The following ALLC variants were observed in gnomAD, a reference collection of about 807,000 sequenced individuals.
The protein encoded by ALLC is probable inactive allantoicase.
ALLC carries 40 observed loss-of-function variants against 45.0 expected under a neutral mutation model. The ratio of observed to expected loss-of-function variants is 0.89; its 90% CI spans 0.69 to 1.16. The LOEUF is 1.16. Ranked by LOEUF, ALLC falls within the 50% of genes most tolerant of loss-of-function variation. ALLC has a pLI of 0.00. For synonymous variants in ALLC, 176 were observed against 178.1 expected (o/e 0.99, Z 0.09); for missense variants, 488 against 493.1 (o/e 0.99, Z 0.10).
Position 3,696,256 on chromosome 2 carries a change from A to G in ALLC, c.668-19A>G, listed in dbSNP as rs760859208. 6.2e-5 allele frequency: 99 copies of G among 1,606,132 alleles called. 1 individual carries two copies. In the South Asian group the frequency reaches 1.0e-3, roughly 17 times the overall value. On this transcript the variant is annotated intron_variant, in intron 8 of 11. Transcript: ENST00000252505. ...TTAAAATCATGCAGTTTACCATTCA[A>G]CAATGTTATTTTCTGTAGGAGTTGG...
upstream of ALLC, among the ~76,000 whole-genome samples, chr2:3,654,668 G>A (rs1270079785): frequency 4.6e-5 from 7 of 152,348 alleles, no homozygotes; most frequent in East Asian, 3.9e-4. Flanking sequence ...CAGTCAGTGC[G>A]TGTGACTCTC....
intron 3 of ALLC, 54 bp downstream of exon 3, chr2:3,674,179 C>A (rs1666964297): frequency 3.1e-6 from 4 of 1,300,928 alleles, no homozygotes; most frequent in African/African-American, 1.5e-5. Context: ...GAAATCTATG[C>A]CGCCTTGTTA....
the ALLC span, among the ~76,000 whole-genome samples, chr2:3,646,860 A>G: frequency 3.3e-5 from 5 of 152,026 alleles, no homozygotes. Flanking sequence ...CAGTTCCAAC[A>G]ATGCCTGGAG....
intron 5 of ALLC, 32 bp from the exon 6 acceptor site, chr2:3,681,602 A>C (rs769278678): frequency 4.4e-5 from 68 of 1,537,462 alleles, no homozygotes; most frequent in Non-Finnish European, 5.7e-5. Context: ...TTGAACCCTA[A>C]TCTTAATCCT....
Position 3,681,722 on chromosome 2 carries a change from C to T in ALLC, c.378+9C>T. 1 of 1,600,722 alleles carries T rather than the reference C, an allele frequency of 6.2e-7. No homozygotes were observed. Among genetic ancestry groups the T allele is most frequent in the Non-Finnish European group, 8.5e-7 (1 of 1,172,070 alleles). ...TTGAAGCCATTGCTGAGGTACATCTCCCCCAAATGAATTGGGTCTTGTCAC... is the reference window on the plus strand; with the variant it reads ...TTGAAGCCATTGCTGAGGTACATCTTCCCCAAATGAATTGGGTCTTGTCAC... On this transcript the variant is annotated intron_variant, in intron 6 of 11. Coordinates refer to ENST00000252505, the MANE Select transcript of ALLC (RefSeq NM_018436.4).
rs770649554 is a variant in ALLC, at chr2:3,682,952, A to G, written c.389A>G (p.Asp130Gly). 4.3e-6 allele frequency: 7 copies of G among 1,612,232 alleles called. No homozygotes were observed. In the East Asian group the frequency reaches 6.7e-5, roughly 15 times the overall value. The change falls in exon 7 of 12, where the codon GAC (aspartate) becomes GGC (glycine). Residue 130 changes from aspartate to glycine, a missense_variant. Physicochemically the swap from Asp to Gly is moderately conservative, Grantham distance 94 (BLOSUM62 -1). Coordinates refer to ENST00000252505, the MANE Select transcript of ALLC (RefSeq NM_018436.4). ...EFEAIAELKS[D>G]DWSYLVPMTE... ...TATATTTATTGCTAGCTAAAATCCG[A>G]CGACTGGAGTTACTTGGTTCCCATG... is the stretch of plus-strand genomic sequence containing the variant.
At chr2:3,654,628 C>A (rs1374455019), upstream of ALLC, among the ~76,000 whole-genome samples, 1 of 152,234 alleles carries the variant, frequency 6.6e-6, no homozygotes, top group Non-Finnish European at 1.5e-5. Flanking sequence ...TTGTCACGAG[C>A]CAGACACTGC....
At chr2:3,691,888 T>G (rs751595023) in intron 7 of ALLC, among the ~76,000 whole-genome samples, 2 of 152,316 alleles carry the variant, frequency 1.3e-5, no homozygotes, top group South Asian at 2.1e-4. Flanking sequence ...CATTCTATTC[T>G]TAAGAGCCTC....
intron 11 of ALLC, 32 bp from the exon 12 acceptor site, chr2:3,702,331 G>T: frequency 6.2e-7 from 1 of 1,602,200 alleles, no homozygotes; most frequent in South Asian, 1.1e-5. Context: ...CCTGTTAACA[G>T]ACTAGGACCT....
At chr2:3,701,142 CATA>C (rs1474469780) in intron 10 of ALLC, among the ~76,000 whole-genome samples, 2 of 152,184 alleles carry the variant, frequency 1.3e-5, no homozygotes, top group African/African-American at 4.8e-5. Context: ...TTTCCAGCTT[CATA>C]ATAATTTCAG....
intron 7 of ALLC, among the ~76,000 whole-genome samples, chr2:3,691,340 C>A (rs1018681100): frequency 3.9e-5 from 6 of 151,920 alleles, no homozygotes; most frequent in African/African-American, 1.5e-4. Flanking sequence ...GCAGCTTCAA[C>A]CTCCTTTGGC....
intron 1 of ALLC, among the ~76,000 whole-genome samples, chr2:3,670,230 T>C (rs1322672318): frequency 6.6e-6 from 1 of 152,262 alleles, no homozygotes; most frequent in Non-Finnish European, 1.5e-5. Context: ...ATTATATTCC[T>C]GTAATTTCAA....
rs1280789169 is a variant in ALLC, at chr2:3,679,991, G to T, written c.295G>T (p.Glu99Ter). Residue 99 changes from glutamate to a stop codon, truncating the protein, a stop_gained, in exon 5 of 12, where the codon GAA (glutamate) becomes TAA (stop). Transcript: ENST00000252505. LOFTEE classifies it high-confidence loss of function. ...RVSIQAANLEEDKLPEIPERG... is the reference protein window; with the variant it reads ...RVSIQAANLE ...GTCCATTCAAGCAGCAAACTTGGAAGAAGGTGCGTTAGGAACCACTGTCCC... is the reference window on the plus strand; with the variant it reads ...GTCCATTCAAGCAGCAAACTTGGAATAAGGTGCGTTAGGAACCACTGTCCC... 3 of 1,613,786 alleles carry T rather than the reference G, an allele frequency of 1.9e-6. No homozygotes were observed. The highest frequency in any genetic ancestry group is 2.7e-5 in the African/African-American group (2 of 74,924).
At chr2:3,652,676 C>T in the ALLC span, among the ~76,000 whole-genome samples, 2 of 149,924 alleles carry the variant, frequency 1.3e-5, no homozygotes, top group Non-Finnish European at 1.5e-5. Context: ...TGCAGCCTCC[C>T]GGTTCAAGGG....
At chr2:3,653,186 G>A in the ALLC span, among the ~76,000 whole-genome samples, 109 of 152,364 alleles carry the variant, frequency 7.2e-4, no homozygotes, top group African/African-American at 2.6e-3. The surrounding 1 kb of genome is among the most constrained non-coding windows in gnomAD (Gnocchi z 4.1). Flanking sequence ...CTCAGAGCTG[G>A]AGCATCACTC....
Position 3,680,228 on chromosome 2 carries a change from A to G in ALLC, c.298+234A>G, listed in dbSNP as rs1397234490. Among the ~76,000 whole-genome samples the G allele has an allele frequency of 2.6e-5, 4 of 152,126 alleles. No individual in the cohort carries two copies. The highest frequency in any genetic ancestry group is 5.9e-5 in the Non-Finnish European group (4 of 68,034). On this transcript the variant is annotated intron_variant, in intron 5 of 11. Coordinates refer to ENST00000252505, the MANE Select transcript of ALLC (RefSeq NM_018436.4). This position sits in a 1 kb window ranked among gnomAD's most constrained non-coding sequence, Gnocchi z 4.0. ...GCCAGATATAGATTTTATCATTCCC[A>G]CGGTCCTTCAGCTTCACGCAGAGGC...
intron 3 of ALLC, among the ~76,000 whole-genome samples, chr2:3,674,559 C>T (rs777384557): frequency 4.6e-5 from 7 of 152,172 alleles, no homozygotes; most frequent in African/African-American, 1.4e-4. Flanking sequence ...CCTGCTCCTC[C>T]GTCATACCCA....
chr2:3,685,980 C>T (rs1667326801), intron 7 of ALLC, among the ~76,000 whole-genome samples: 1 of 150,848 alleles, frequency 6.6e-6, no homozygotes, highest in Non-Finnish European at 1.5e-5. Context: ...AGCCTTTTAG[C>T]TTGATGTAAT....
intron 1 of ALLC, among the ~76,000 whole-genome samples, chr2:3,666,746 G>A (rs563961900): frequency 6.6e-6 from 1 of 152,308 alleles, no homozygotes; most frequent in African/African-American, 2.4e-5. Context: ...GTGTCTGTGT[G>A]GCGGTTTAGC....
Sources: allele counts gnomAD v4.1 joint callset (sites outside exome capture counted in the v4.1 genomes callset), GRCh38; gene constraint gnomAD v4.1.1; non-coding constraint Gnocchi (gnomAD v3.1); transcripts MANE v1.5; gene names NCBI Gene and HGNC (gene_info 2026-07-23, HGNC 2026-07-21).